The following NKX2-8 variants were observed in gnomAD, a reference collection of about 807,000 sequenced individuals.
NKX2-8 encodes the protein NK2 homeobox 8.
Under a neutral mutation model 6.4 loss-of-function variants are expected in NKX2-8, and 8 were observed. The observed-to-expected ratio is 1.24, with a 90% CI of 0.73 to 2.24. The LOEUF is 2.24. Ranked by LOEUF, NKX2-8 falls within the 30% of genes most tolerant of loss-of-function variation. The pLI, the probability that NKX2-8 is intolerant of heterozygous loss-of-function variation, is 0.00. For missense variants in NKX2-8, 406 were observed against 351.1 expected, an observed-to-expected ratio of 1.16 and a Z score of -1.25; for synonymous variants, 216 against 171.5, an observed-to-expected ratio of 1.26 and a Z score of -2.03.
At chr14:36,582,127 C>G in intron 1 of NKX2-8, 106 bp downstream of exon 1, 1 of 1,263,364 alleles carries the variant, frequency 7.9e-7, no homozygotes, top group Non-Finnish European at 1.1e-6. Flanking sequence ...AATCTAGACT[C>G]TGGGCTGGGA....
Position 36,581,084 on chromosome 14 carries a change from G to A in NKX2-8, c.538C>T (p.Pro180Ser), listed in dbSNP as rs1167661503. The change falls in exon 2 of 2, where the codon CCG becomes TCG. Residue 180 changes from proline (P) to serine (S), a missense_variant. Physicochemically the swap from Pro to Ser is moderately conservative, Grantham distance 74. Transcript: ENST00000258829. The surrounding 1 kb of genome is among the most constrained non-coding windows in gnomAD (Gnocchi z 5.6). The part of the protein sequence containing the change: ...VVPVLVRDGQ[P>S]CGGGGGGEVG... Reference sequence around the variant, plus strand: ...TCGCCACCGCCGCCGCCGCCGCACGGCTGCCCGTCGCGAACAAGCACCGGC... The same window carrying A: ...TCGCCACCGCCGCCGCCGCCGCACGACTGCCCGTCGCGAACAAGCACCGGC... The A allele has an allele frequency of 1.4e-6, 2 of 1,410,280 alleles. No individual in the cohort carries two copies. The highest frequency in any genetic ancestry group is 1.8e-6 in the Non-Finnish European group (2 of 1,094,294). The allele number at this position is 1,410,280 out of a possible 1,614,324, so 87.4% of individuals were successfully genotyped here.
rs753449608 is a variant in NKX2-8 at position 36,581,064 on chromosome 14, A to ACCGCCGCCG, written c.549_557dup (p.Gly185_Gly187dup). On this transcript the variant is annotated inframe_insertion, in exon 2 of 2. Transcript: ENST00000258829. The surrounding 1 kb of genome is among the most constrained non-coding windows in gnomAD (Gnocchi z 5.6). ...GGGCCGCGGCGGTTCCCACCTCGCC[A>ACCGCCGCCG]CCGCCGCCGCCGCCGCACGGCTGCC... 5 of 1,378,980 alleles carry ACCGCCGCCG rather than the reference A, an allele frequency of 3.6e-6. No individual in the cohort carries two copies. Among genetic ancestry groups the ACCGCCGCCG allele is most frequent in the Non-Finnish European group, 4.6e-6 (5 of 1,078,148 alleles). The allele number at this position is 1,378,980 out of a possible 1,614,324, so 85.4% of individuals were successfully genotyped here. A position where few individuals can be genotyped will look rare whatever the true frequency, so the allele number is the denominator to read the frequency against.
chr14:36,580,905 C>A lies in NKX2-8; in HGVS notation c.717G>T (p.Trp239Cys). The change falls in exon 2 of 2, where the codon TGG (tryptophan) becomes TGT (cysteine). Residue 239 changes from tryptophan (W) to cysteine (C), a missense_variant. Transcript: ENST00000258829. ...LASPALVSWNW is the reference protein window; with the variant it reads ...LASPALVSWNC ...CCCCAGGTGCCGCCCTGCGGCCTCA[C>A]CAGTTCCAGGAGACCAGGGCGGGGG... 7.6e-7 allele frequency: 1 copy of A among 1,316,246 alleles called. No homozygotes were observed. Among genetic ancestry groups the A allele is most frequent in the Non-Finnish European group, 9.6e-7 (1 of 1,039,400 alleles). 81.5% of individuals were successfully genotyped at this position (1,316,246 alleles called of 1,614,324 possible).
At position 36,582,482 on chromosome 14, in the gene NKX2-8, G is replaced by T. The variant is rs947391236; in HGVS notation, c.-93C>A. 8.0e-7 allele frequency: 1 copy of T among 1,249,932 alleles called. No individual in the cohort carries two copies. The highest frequency in any genetic ancestry group is 1.1e-6 in the Non-Finnish European group (1 of 924,506). The allele number at this position is 1,249,932 out of a possible 1,614,324, so 77.4% of individuals were successfully genotyped here. A position where few individuals can be genotyped will look rare whatever the true frequency, so the allele number is the denominator to read the frequency against. On this transcript the variant is annotated 5_prime_UTR_variant, in exon 1 of 2. Transcript: ENST00000258829. ...CTACGGATGGGCGTGGGAGGCGCTC[G>T]CCATGCGCTGGCAGCCGGGATATTA...
In NKX2-8 at chr14:36,581,439, G is replaced by A; in HGVS notation, c.183C>T (p.Thr61=). The part of the protein sequence containing the change: ...YPSSDESSLE[T]SPPDSSQRPS... The stretch of plus-strand genomic sequence containing the variant: ...GCCGCTGCGACGAGTCTGGCGGGCT[G>A]GTCTCCAGGCTGCTCTCGTCCGAGG... Residue 61 remains threonine, a synonymous_variant, in exon 2 of 2, where the codon ACC becomes ACT. Transcript: ENST00000258829. This position sits in a 1 kb window ranked among gnomAD's most constrained non-coding sequence, Gnocchi z 5.6. The A allele has an allele frequency of 6.3e-7, 1 of 1,579,340 alleles. No individual in the cohort carries two copies. The highest frequency in any genetic ancestry group is 1.8e-5 in the Admixed American group (1 of 56,836).
At chr14:36,582,148 C>T (rs953669689) in intron 1 of NKX2-8, 85 bp downstream of exon 1, 3 of 1,415,062 alleles carry the variant, frequency 2.1e-6, no homozygotes, top group Non-Finnish European at 2.8e-6. Context: ...TTTCGGCTTT[C>T]CGGCCCCTCG....
chr14:36,581,134 G>C lies in NKX2-8; in HGVS notation c.488C>G (p.Pro163Arg), dbSNP rs200062685. 7 of 1,529,954 alleles carry C rather than the reference G, an allele frequency of 4.6e-6. No individual in the cohort carries two copies. In the Admixed American group the frequency reaches 1.4e-4, roughly 31 times the overall value. 94.8% of individuals were successfully genotyped at this position (1,529,954 alleles called of 1,614,324 possible). Residue 163 changes from proline (P) to arginine (R), a missense_variant, in exon 2 of 2, where the codon CCC becomes CGC. Pro to Arg is a moderately radical substitution (Grantham distance 103). Coordinates refer to ENST00000258829, the MANE Select transcript of NKX2-8 (RefSeq NM_014360.4). This position sits in a 1 kb window ranked among gnomAD's most constrained non-coding sequence, Gnocchi z 5.6. ...CACCACCACGCGACGCAGCAGGCCG[G>C]GCGCGGCGTGCAGCTCGGCGGATGC... The part of the protein sequence containing the change: ...LAASAELHAA[P>R]GLLRRVVVPV...
rs1879225548 is a variant in NKX2-8, at chr14:36,581,290, G to A, written c.332C>T (p.Ala111Val). 1.9e-6 allele frequency: 3 copies of A among 1,599,078 alleles called. No individual in the cohort carries two copies. The highest frequency in any genetic ancestry group is 2.7e-5 in the African/African-American group (2 of 74,776). The change falls in exon 2 of 2, where the codon GCG (alanine) becomes GTG (valine). Residue 111 changes from alanine to valine, a missense_variant. Physicochemically the swap from Ala to Val is moderately conservative, Grantham distance 64 (BLOSUM62 0). Transcript: ENST00000258829. The surrounding 1 kb of genome is among the most constrained non-coding windows in gnomAD (Gnocchi z 5.6). ...GCTCGCCAGCTGCTCGCGCTCGGGC[G>A]CAGACAGGTACCGCTGCTGCCGGAA... ...RRFRQQRYLSAPEREQLASLL... is the reference protein window; with the variant it reads ...RRFRQQRYLSVPEREQLASLL...
Position 36,582,282 on chromosome 14 carries a change from C to G in NKX2-8, c.108G>C (p.Gln36His). 1 of 1,608,480 alleles carries G rather than the reference C, an allele frequency of 6.2e-7. No individual in the cohort carries two copies. Among genetic ancestry groups the G allele is most frequent in the Non-Finnish European group, 8.5e-7 (1 of 1,177,382 alleles). The change falls in exon 1 of 2, where the codon CAG (glutamine) becomes CAC (histidine). Residue 36 changes from glutamine to histidine, a missense_variant. Physicochemically the swap from Gln to His is conservative, Grantham distance 24. Coordinates refer to ENST00000258829, the MANE Select transcript of NKX2-8 (RefSeq NM_014360.4). The stretch of plus-strand genomic sequence containing the variant: ...CCAGCCAGGCGGCGCAGGGGTCGGG[C>G]TGGGGGGCGCGTGGTTCTGGCTCCC... The part of the protein sequence containing the change: ...PRREPEPRAP[Q>H]PDPCAAWLDS...
chr14:36,581,520 G>C lies in NKX2-8; in HGVS notation c.158-56C>G, dbSNP rs1879242335. On this transcript the variant is annotated intron_variant, in intron 1 of 1. Transcript: ENST00000258829. The surrounding 1 kb of genome is among the most constrained non-coding windows in gnomAD (Gnocchi z 5.6). Reference sequence around the variant, plus strand: ...GAGACGCCGGACCCTACGAGGGCCTGCTGCCCTTCTGGCGCGGGCGTGGAG... The same window carrying C: ...GAGACGCCGGACCCTACGAGGGCCTCCTGCCCTTCTGGCGCGGGCGTGGAG... The C allele has an allele frequency of 7.0e-7, 1 of 1,436,498 alleles. No individual in the cohort carries two copies. Among genetic ancestry groups the C allele is most frequent in the Admixed American group, 2.7e-5 (1 of 37,068 alleles). 89.0% of individuals were successfully genotyped at this position (1,436,498 alleles called of 1,614,324 possible).
rs765746008 is a variant in NKX2-8 at position 36,581,489 on chromosome 14, G to C, written c.158-25C>G. ...GCTAGGGACAGCAAAGGAGACACGG[G>C]TGGGTGAGACGCCGGACCCTACGAG... On this transcript the variant is annotated intron_variant, in intron 1 of 1. Coordinates refer to ENST00000258829, the MANE Select transcript of NKX2-8 (RefSeq NM_014360.4). The surrounding 1 kb of genome is among the most constrained non-coding windows in gnomAD (Gnocchi z 5.6). The C allele has an allele frequency of 8.6e-6, 13 of 1,505,566 alleles. No homozygotes were observed. Among genetic ancestry groups the C allele is most frequent in the Non-Finnish European group, 9.7e-6 (11 of 1,129,206 alleles). The allele number at this position is 1,505,566 out of a possible 1,614,324, so 93.3% of individuals were successfully genotyped here.
chr14:36,581,947 G>A lies in NKX2-8; in HGVS notation c.157+286C>T, dbSNP rs1012563958. ...GCGGGGGGTGGGGTGGGGGCGGCAGGTGGCGGCGCGTTTTAAATTTCAATT... is the reference window on the plus strand; with the variant it reads ...GCGGGGGGTGGGGTGGGGGCGGCAGATGGCGGCGCGTTTTAAATTTCAATT... On this transcript the variant is annotated intron_variant, in intron 1 of 1. Transcript: ENST00000258829. This position sits in a 1 kb window ranked among gnomAD's most constrained non-coding sequence, Gnocchi z 5.6. Among the ~76,000 whole-genome samples, 6 of 151,996 alleles carry A rather than the reference G, an allele frequency of 3.9e-5. No individual in the cohort carries two copies. Among genetic ancestry groups the A allele is most frequent in the Non-Finnish European group, 8.8e-5 (6 of 68,010 alleles).
At position 36,580,991 on chromosome 14, in the gene NKX2-8, A is replaced by G; in HGVS notation, c.631T>C (p.Tyr211His). Residue 211 changes from tyrosine (Y) to histidine (H), a missense_variant, in exon 2 of 2, where the codon TAC (tyrosine) becomes CAC (histidine). By Grantham distance (83) the Tyr-to-His change is moderately conservative. Coordinates refer to ENST00000258829, the MANE Select transcript of NKX2-8 (RefSeq NM_014360.4). ...PPAAACPLPG[Y>H]PAFGPGSALG... ...GCCGAGCCGGGACCGAAGGCAGGGT[A>G]GCCCGGCAGAGGGCAGGCGGCGGCT... 7.4e-7 allele frequency: 1 copy of G among 1,351,672 alleles called. No homozygotes were observed. Among genetic ancestry groups the G allele is most frequent in the Non-Finnish European group, 9.4e-7 (1 of 1,060,574 alleles). 83.7% of individuals were successfully genotyped at this position (1,351,672 alleles called of 1,614,324 possible).
At chr14:36,582,202 C>T in intron 1 of NKX2-8, 31 bp downstream of exon 1, 1 of 1,584,750 alleles carries the variant, frequency 6.3e-7, no homozygotes. Context: ...TCCTACCTCC[C>T]ACCCCGCACC....
chr14:36,581,367 C>T lies in NKX2-8; in HGVS notation c.255G>A (p.Lys85=), dbSNP rs762939370. 6.3e-7 allele frequency: 1 copy of T among 1,589,530 alleles called. No homozygotes were observed. The highest frequency in any genetic ancestry group is 1.1e-5 in the South Asian group (1 of 87,856). ...CCTTGGAGAATAGCACCCGCCGCTT[C>T]TTCCTTTTCTCGGCGTCCGAGCCCG... ...ASPGSDAEKR[K]KRRVLFSKAQ... Residue 85 remains lysine (K), a synonymous_variant, in exon 2 of 2, where the codon AAG becomes AAA. Transcript: ENST00000258829. The surrounding 1 kb of genome is among the most constrained non-coding windows in gnomAD (Gnocchi z 5.6).
chr14:36,581,515 G>A lies in NKX2-8; in HGVS notation c.158-51C>T, dbSNP rs1357635988. The A allele has an allele frequency of 2.8e-6, 4 of 1,450,618 alleles. No homozygotes were observed. Among genetic ancestry groups the A allele is most frequent in the Middle Eastern group, 4.3e-4 (2 of 4,652 alleles). 89.9% of individuals were successfully genotyped at this position (1,450,618 alleles called of 1,614,324 possible). On this transcript the variant is annotated intron_variant, in intron 1 of 1. Transcript: ENST00000258829. This position sits in a 1 kb window ranked among gnomAD's most constrained non-coding sequence, Gnocchi z 5.6. ...TGGGTGAGACGCCGGACCCTACGAG[G>A]GCCTGCTGCCCTTCTGGCGCGGGCG...
At position 36,580,667 on chromosome 14, in the gene NKX2-8, A is replaced by G; in HGVS notation, c.*235T>C. The G allele has an allele frequency of 2.5e-6, 1 of 393,474 alleles. No individual in the cohort carries two copies. Among genetic ancestry groups the G allele is most frequent in the Non-Finnish European group, 4.5e-6 (1 of 223,304 alleles). The allele number at this position is 393,474 out of a possible 1,614,324, so 24.4% of individuals were successfully genotyped here. On this transcript the variant is annotated 3_prime_UTR_variant, in exon 2 of 2. Transcript: ENST00000258829. ...AAATATACAAATAAGGCCCAAGCAT[A>G]AAATCTAACTCTGGGGCTGGCGGTG...
At position 36,581,555 on chromosome 14, in the gene NKX2-8, A is replaced by G. The variant is rs910999913; in HGVS notation, c.158-91T>C. ...TGGCGCGGGCGTGGAGGCACTGGCC[A>G]GAGGGCACGCCCACTAGCCCGAGAC... On this transcript the variant is annotated intron_variant, in intron 1 of 1. Coordinates refer to ENST00000258829, the MANE Select transcript of NKX2-8 (RefSeq NM_014360.4). This position sits in a 1 kb window ranked among gnomAD's most constrained non-coding sequence, Gnocchi z 5.6. The G allele has an allele frequency of 1.7e-6, 2 of 1,172,208 alleles. No individual in the cohort carries two copies. Among genetic ancestry groups the G allele is most frequent in the African/African-American group, 3.1e-5 (2 of 64,068 alleles). 72.6% of individuals were successfully genotyped at this position (1,172,208 alleles called of 1,614,324 possible).
Position 36,581,416 on chromosome 14 carries a change from C to A in NKX2-8, c.206G>T (p.Arg69Leu), listed in dbSNP as rs902153057. ...LETSPPDSSQRPSARPASPGS... is the reference protein window; with the variant it reads ...LETSPPDSSQLPSARPASPGS... Reference sequence around the variant, plus strand: ...CGGAGACGCGGGCCTAGCGGACGGCCGCTGCGACGAGTCTGGCGGGCTGGT... The same window carrying A: ...CGGAGACGCGGGCCTAGCGGACGGCAGCTGCGACGAGTCTGGCGGGCTGGT... The change falls in exon 2 of 2, where the codon CGG (arginine) becomes CTG (leucine). Residue 69 changes from arginine to leucine, a missense_variant. Physicochemically the swap from Arg to Leu is moderately radical, Grantham distance 102. Coordinates refer to ENST00000258829, the MANE Select transcript of NKX2-8 (RefSeq NM_014360.4). This position sits in a 1 kb window ranked among gnomAD's most constrained non-coding sequence, Gnocchi z 5.6. 46 of 1,591,334 alleles carry A rather than the reference C, an allele frequency of 2.9e-5. No homozygotes were observed. Among genetic ancestry groups the A allele is most frequent in the Non-Finnish European group, 3.8e-5 (44 of 1,170,276 alleles).
Sources: allele counts gnomAD v4.1 joint callset (sites outside exome capture counted in the v4.1 genomes callset), GRCh38; gene constraint gnomAD v4.1.1; non-coding constraint Gnocchi (gnomAD v3.1); transcripts MANE v1.5; gene names NCBI Gene and HGNC (gene_info 2026-07-23, HGNC 2026-07-21).